STAG1: variants seen among roughly 807,000 people sequenced by gnomAD.
STAG1 encodes STAG1 cohesin complex component.
A neutral mutation model predicts 170.9 loss-of-function variants in STAG1; 26 were observed. The ratio of observed to expected loss-of-function variants is 0.15; its 90% CI spans 0.11 to 0.21. STAG1 has a LOEUF of 0.21. STAG1 is among the 10% of genes least tolerant of loss of function. The pLI is 1.00. For missense variants in STAG1, 964 were observed against 1,509.5 expected (o/e 0.64, Z 5.99); for synonymous variants, 514 against 497.7 (o/e 1.03, Z -0.44).
intron 21 of STAG1, chr3:136,417,534 T>G (rs891055771): frequency 1.7e-5 from 3 of 177,916 alleles, no homozygotes; most frequent in Non-Finnish European, 3.6e-5. Flanking sequence ...ATACTTAATA[T>G]GATTAATACC....
rs561732902 is a variant in STAG1 at position 136,733,065 on chromosome 3, T to C, written c.-84+19130A>G. On this transcript the variant is annotated intron_variant, in intron 1 of 33. Transcript: ENST00000383202. ...TGGATCTATGCACAACACAATATAG[T>C]CTAGTGGTTAAAACCTAACTTTTTT... 4.6e-5 allele frequency among the ~76,000 whole-genome samples: 7 copies of C among 151,360 alleles called. No homozygotes were observed. The East Asian group carries it at 1.4e-3, about 29-fold the overall frequency.
chr3:136,640,670 G>GTT (rs1232714771), intron 1 of STAG1, among the ~76,000 whole-genome samples: 2 of 141,268 alleles, frequency 1.4e-5, no homozygotes, highest in Non-Finnish European at 3.1e-5. Flanking sequence ...CACCTGGCCT[G>GTT]TTTTGTTGTT....
chr3:136,510,816 C>T (rs1026554177), intron 7 of STAG1, among the ~76,000 whole-genome samples: 80 of 151,998 alleles, frequency 5.3e-4, no homozygotes, highest in Non-Finnish European at 3.7e-4. Flanking sequence ...CTTGCTCTGT[C>T]GCCCAGTCTG....
In STAG1 at chr3:136,434,898, T is replaced by C. The variant is rs138896176; in HGVS notation, c.1547-1239A>G. On this transcript the variant is annotated intron_variant, in intron 15 of 33. Transcript: ENST00000383202. The stretch of plus-strand genomic sequence containing the variant: ...CCTATTTGGCATTTATTTCTGATGA[T>C]AGTAGGTGGGTCTGTTTATTCCCAC... 4.6e-5 allele frequency among the ~76,000 whole-genome samples: 7 copies of C among 152,274 alleles called. No homozygotes were observed. The East Asian group carries it at 9.6e-4, about 21-fold the overall frequency.
intron 22 of STAG1, among the ~76,000 whole-genome samples, chr3:136,383,347 G>T (rs536281126): frequency 6.6e-6 from 1 of 152,186 alleles, no homozygotes; most frequent in East Asian, 1.9e-4. Context: ...CTCTAAATAG[G>T]TGAAAATTAG....
At chr3:136,560,506 T>C (rs1411983160) in intron 5 of STAG1, among the ~76,000 whole-genome samples, 4 of 152,236 alleles carry the variant, frequency 2.6e-5, no homozygotes, top group Admixed American at 1.3e-4. Context: ...TAAACACTTA[T>C]GAATTTACAT....
intron 26 of STAG1, among the ~76,000 whole-genome samples, chr3:136,362,907 C>CAT (rs113902601): frequency 5.3e-5 from 8 of 151,802 alleles, no homozygotes; most frequent in African/African-American, 1.7e-4. Context: ...TAAATACAAA[C>CAT]ATATATATAT....
At chr3:136,617,176 T>A (rs998456748) in intron 3 of STAG1, among the ~76,000 whole-genome samples, 2 of 152,236 alleles carry the variant, frequency 1.3e-5, no homozygotes, top group African/African-American at 2.4e-5. Flanking sequence ...GCAATTGGTT[T>A]GTCAGTGTCC....
chr3:136,648,974 C>A (rs1029621088), intron 1 of STAG1, among the ~76,000 whole-genome samples: 1 of 152,132 alleles, frequency 6.6e-6, no homozygotes, highest in Non-Finnish European at 1.5e-5. Context: ...TATTCCAATT[C>A]CTAAACATAG....
chr3:136,673,249 A>C (rs1942032473), intron 1 of STAG1, among the ~76,000 whole-genome samples: 1 of 152,206 alleles, frequency 6.6e-6, no homozygotes, highest in Non-Finnish European at 1.5e-5. Flanking sequence ...ATACGTAGCA[A>C]AGGGTTAGAC....
intron 1 of STAG1, among the ~76,000 whole-genome samples, chr3:136,732,860 G>A (rs1039059602): frequency 5.9e-5 from 9 of 151,542 alleles, no homozygotes; most frequent in African/African-American, 1.9e-4. Context: ...CACCCACCTC[G>A]GCCTCCCAAA....
intron 1 of STAG1, among the ~76,000 whole-genome samples, chr3:136,685,293 G>A (rs1003183375): frequency 5.9e-5 from 9 of 151,974 alleles, no homozygotes; most frequent in Non-Finnish European, 1.3e-4. Flanking sequence ...TCCAGCCTGG[G>A]CGACAGAATG....
intron 5 of STAG1, among the ~76,000 whole-genome samples, chr3:136,565,007 AAGGAAGGCAGGC>A (rs1937004452): frequency 3.7e-5 from 2 of 54,228 alleles, no homozygotes; most frequent in South Asian, 6.8e-4. Context: ...GGAAGGAAGG[AAGGAAGGCAGGC>A]AGGCAGGCAG....
At chr3:136,549,379 C>T (rs779363867) in intron 5 of STAG1, among the ~76,000 whole-genome samples, 96 of 151,924 alleles carry the variant, frequency 6.3e-4, no homozygotes, top group Non-Finnish European at 1.1e-3. Flanking sequence ...GGTATGATCT[C>T]GGCTCACTGC....
At chr3:136,582,858 ACCAGC>A (rs1341501364) in intron 4 of STAG1, among the ~76,000 whole-genome samples, 2 of 152,212 alleles carry the variant, frequency 1.3e-5, no homozygotes, top group African/African-American at 2.4e-5. Context: ...TATTTCATGA[ACCAGC>A]AAATCTCCAC....
chr3:136,615,453 G>C (rs1283097402), intron 3 of STAG1, among the ~76,000 whole-genome samples: 2 of 105,806 alleles, frequency 1.9e-5, no homozygotes, highest in Non-Finnish European at 4.0e-5. Flanking sequence ...AAAAAAAAAG[G>C]AGTGGGGGCA....
At chr3:136,643,152 C>T (rs963418263) in intron 1 of STAG1, among the ~76,000 whole-genome samples, 1 of 152,170 alleles carries the variant, frequency 6.6e-6, no homozygotes, top group African/African-American at 2.4e-5. Context: ...TTGGGGGACA[C>T]AAATCACAAA....
At chr3:136,619,628 A>T (rs995101866) in intron 3 of STAG1, among the ~76,000 whole-genome samples, 1 of 151,572 alleles carries the variant, frequency 6.6e-6, no homozygotes, top group African/African-American at 2.4e-5. Context: ...GTGGTGGCGC[A>T]TGCCTGTAAT....
rs1288809115 is a variant in STAG1 at position 136,473,415 on chromosome 3, T to C, written c.1125+124A>G. On this transcript the variant is annotated intron_variant, in intron 11 of 33. Transcript: ENST00000383202. ...AAACTGGTCCCTGGTGCCAAAAAGG[T>C]TGGGGACTGCTGTAATAAAGAATAT... 4.3e-5 allele frequency: 29 copies of C among 674,392 alleles called. No individual in the cohort carries two copies. In the East Asian group the frequency reaches 6.0e-4, roughly 14 times the overall value. 41.8% of individuals were successfully genotyped at this position (674,392 alleles called of 1,614,324 possible).
Sources: gnomAD v4.1 joint callset for allele counts (sites outside exome capture counted in the v4.1 genomes callset) on GRCh38, gnomAD v4.1.1 for gene constraint, MANE v1.5 for transcripts, NCBI Gene and HGNC (gene_info 2026-07-23, HGNC 2026-07-21) for gene names.